The following KANK1 variants were observed in gnomAD, a reference collection of about 807,000 sequenced individuals.
KANK1 encodes the protein KN motif and ankyrin repeat domains 1.
Under a neutral mutation model 106.2 loss-of-function variants are expected in KANK1, and 109 were observed. That is an observed-to-expected ratio of 1.03 (90% CI 0.88 to 1.20). KANK1 has a LOEUF of 1.20. Ranked by LOEUF, KANK1 falls within the 50% of genes most tolerant of loss-of-function variation. The pLI is 0.00. For missense variants in KANK1, 2,399 were observed against 1,710.7 expected (o/e 1.40, Z -7.10); for synonymous variants, 873 against 652.2 (o/e 1.34, Z -5.16).
intron 3 of KANK1, among the ~76,000 whole-genome samples, chr9:719,598 T>A (rs1054564806): frequency 2.1e-5 from 3 of 143,396 alleles, no homozygotes; most frequent in African/African-American, 9.0e-5. Flanking sequence ...TCCATTTTAA[T>A]ATATTTTTTT....
chr9:498,500 C>G (rs376717616), intron 3 of KANK1, among the ~76,000 whole-genome samples: 2 of 152,144 alleles, frequency 1.3e-5, no homozygotes, highest in South Asian at 2.1e-4. Flanking sequence ...CCACAACTGA[C>G]AGAATGGAGG....
Position 599,291 on chromosome 9 carries a change from T to C in KANK1, c.-83-77599T>C, listed in dbSNP as rs765212102. 4.6e-5 allele frequency among the ~76,000 whole-genome samples: 7 copies of C among 151,774 alleles called. No individual in the cohort carries two copies. In the East Asian group the frequency reaches 1.2e-3, roughly 25 times the overall value. ...TCCCAGCCTCCCAAAGTGCTGGGAT[T>C]ATAGTTGTGAGCCACCACACCCGGC... On this transcript the variant is annotated intron_variant, in intron 1 of 11. Coordinates refer to ENST00000382297, the MANE Select transcript of KANK1 (RefSeq NM_015158.5).
At chr9:718,651 C>T (rs577393517) in intron 3 of KANK1, among the ~76,000 whole-genome samples, 27 of 152,158 alleles carry the variant, frequency 1.8e-4, no homozygotes, top group African/African-American at 5.8e-4. Flanking sequence ...CTTCCATGGC[C>T]TCCTGTGTCA....
At chr9:730,661 C>G (rs1831988186) in intron 4 of KANK1, 1 of 207,578 alleles carries the variant, frequency 4.8e-6, no homozygotes, top group South Asian at 7.7e-5. Flanking sequence ...CCACTGCACT[C>G]CAGCCTGGGT....
rs758797416 is a variant in KANK1 at position 608,915 on chromosome 9, G to C, written c.-83-67975G>C. ...CATTCATACACATTGCTTCAATAGAGCATTTTCTTGGATGGAAGCATGGGA... is the reference window on the plus strand; with the variant it reads ...CATTCATACACATTGCTTCAATAGACCATTTTCTTGGATGGAAGCATGGGA... On this transcript the variant is annotated intron_variant, in intron 1 of 11. Transcript: ENST00000382297. Among the ~76,000 whole-genome samples, 48 of 152,118 alleles carry C rather than the reference G, an allele frequency of 3.2e-4. 1 individual carries two copies. The highest frequency in any genetic ancestry group is 8.8e-5 in the Non-Finnish European group (6 of 68,034).
At chr9:581,192 C>T (rs113243634) in intron 1 of KANK1, among the ~76,000 whole-genome samples, 61 of 152,334 alleles carry the variant, frequency 4.0e-4, no homozygotes, top group Admixed American at 1.4e-3. Context: ...GAGCCGGCTC[C>T]GGCCTCGGCC....
At chr9:614,372 G>C (rs899216257) in intron 1 of KANK1, among the ~76,000 whole-genome samples, 4 of 152,032 alleles carry the variant, frequency 2.6e-5, no homozygotes, top group Non-Finnish European at 5.9e-5. Flanking sequence ...TCTTTGAGGA[G>C]TGATTATATA....
At chr9:586,267 G>C (rs1478807025) in intron 1 of KANK1, among the ~76,000 whole-genome samples, 1 of 152,172 alleles carries the variant, frequency 6.6e-6, no homozygotes, top group African/African-American at 2.4e-5. Flanking sequence ...GTTGAGACCA[G>C]TTCTTCATTT....
At chr9:744,634 C>T in intron 11 of KANK1, 45 bp downstream of exon 11, 2 of 1,613,918 alleles carry the variant, frequency 1.2e-6, no homozygotes, top group Non-Finnish European at 1.7e-6. Context: ...TGAAATCCAC[C>T]AGACTGGTGG....
At chr9:512,858 C>T (rs371611144) in intron 1 of KANK1, among the ~76,000 whole-genome samples, 3 of 152,236 alleles carry the variant, frequency 2.0e-5, no homozygotes, top group African/African-American at 7.2e-5. Context: ...TTCCTCTTCT[C>T]TCTGCCTCCT....
chr9:584,115 C>A (rs1474926756), intron 1 of KANK1, among the ~76,000 whole-genome samples: 6 of 151,988 alleles, frequency 3.9e-5, no homozygotes, highest in Non-Finnish European at 7.4e-5. Context: ...CATATATAAT[C>A]AAAAATAAGA....
chr9:702,237 T>C (rs1344080578), intron 2 of KANK1, among the ~76,000 whole-genome samples: 1 of 150,726 alleles, frequency 6.6e-6, no homozygotes, highest in East Asian at 1.9e-4. Context: ...GGCTCAGAGA[T>C]GATGCCAACC....
At chr9:723,402 C>G (rs1382061489) in intron 3 of KANK1, among the ~76,000 whole-genome samples, 2 of 152,142 alleles carry the variant, frequency 1.3e-5, no homozygotes, top group African/African-American at 4.8e-5. Flanking sequence ...ATCTCTGTTA[C>G]AGAGGTGGTT....
At chr9:732,301 A>T in intron 5 of KANK1, 77 bp from the exon 6 acceptor site, 1 of 1,515,238 alleles carries the variant, frequency 6.6e-7, no homozygotes, top group Non-Finnish European at 8.9e-7. Context: ...CAATTAGCAA[A>T]TCCCTTCATA....
At chr9:556,070 C>A (rs1473438991) in intron 1 of KANK1, among the ~76,000 whole-genome samples, 1 of 152,108 alleles carries the variant, frequency 6.6e-6, no homozygotes, top group African/African-American at 2.4e-5. Context: ...GTTCTTATTT[C>A]TTCTTTCTCT....
At chr9:690,971 C>T (rs1211413638) in intron 2 of KANK1, among the ~76,000 whole-genome samples, 1 of 152,222 alleles carries the variant, frequency 6.6e-6, no homozygotes, top group Non-Finnish European at 1.5e-5. Flanking sequence ...CCACATCTTA[C>T]TTGGCTTCTT....
intron 10 of KANK1, among the ~76,000 whole-genome samples, chr9:742,694 A>C (rs1358974435): frequency 6.6e-6 from 1 of 152,182 alleles, no homozygotes; most frequent in Non-Finnish European, 1.5e-5. Context: ...CCCTCTACTA[A>C]AGGGAAATCA....
chr9:683,799 A>C (rs1046796389), intron 2 of KANK1, among the ~76,000 whole-genome samples: 4 of 152,188 alleles, frequency 2.6e-5, no homozygotes, highest in African/African-American at 9.7e-5. Flanking sequence ...TCATCCTAGT[A>C]TTAGTGTGTT....
At chr9:698,096 G>C (rs1347755485) in intron 2 of KANK1, among the ~76,000 whole-genome samples, 1 of 152,160 alleles carries the variant, frequency 6.6e-6, no homozygotes, top group African/African-American at 2.4e-5. Flanking sequence ...TCTACCTTTA[G>C]CTTTCCCTGT....
Sources: allele counts gnomAD v4.1 joint callset (sites outside exome capture counted in the v4.1 genomes callset), GRCh38; gene constraint gnomAD v4.1.1; transcripts MANE v1.5; gene names NCBI Gene and HGNC (gene_info 2026-07-23, HGNC 2026-07-21).